Variants in RTN1 observed in about 807,000 individuals in gnomAD.
RTN1 encodes the protein reticulon-1.
In RTN1, 25 loss-of-function variants were observed where a neutral mutation model predicts 65.5. That is an observed-to-expected ratio of 0.38 (90% CI 0.28 to 0.53). RTN1 has a LOEUF of 0.53. Ranked by LOEUF, RTN1 falls within the 20% of genes least tolerant of loss-of-function variation. The pLI, the probability that RTN1 is intolerant of heterozygous loss-of-function variation, is 0.79. For synonymous variants in RTN1, 471 were observed against 447.6 expected (o/e 1.05, Z -0.66); for missense variants, 983 against 1,025.4 (o/e 0.96, Z 0.57).
chr14:59,804,219 AAGT>A (rs1566732549), intron 1 of RTN1, among the ~76,000 whole-genome samples: 1 of 152,110 alleles, frequency 6.6e-6, no homozygotes, highest in African/African-American at 2.4e-5. Context: ...CAGTTTTGAG[AAGT>A]ACTGGTCAGG....
At chr14:59,729,376 G>C (rs1884851321) in intron 2 of RTN1, among the ~76,000 whole-genome samples, 1 of 126,632 alleles carries the variant, frequency 7.9e-6, no homozygotes, top group African/African-American at 3.2e-5. Context: ...TATGATCTAT[G>C]GGTTCCCCCC....
chr14:59,786,915 C>T (rs1408363578), intron 1 of RTN1, among the ~76,000 whole-genome samples: 2 of 152,060 alleles, frequency 1.3e-5, no homozygotes, highest in Non-Finnish European at 2.9e-5. Flanking sequence ...CAAAAATACA[C>T]CTTTGAAGTA....
chr14:59,683,791 T>C, intron 3 of RTN1, among the ~76,000 whole-genome samples: 1 of 152,136 alleles, frequency 6.6e-6, no homozygotes, highest in East Asian at 1.9e-4. Context: ...GATAAGAGTT[T>C]TGGGCTTTTG....
In RTN1 at chr14:59,727,924, T is replaced by G. The variant is rs1054516134; in HGVS notation, c.1016-256A>C. Among the ~76,000 whole-genome samples, 1 of 152,196 alleles carries G rather than the reference T, an allele frequency of 6.6e-6. No homozygotes were observed. The highest frequency in any genetic ancestry group is 1.5e-5 in the Non-Finnish European group (1 of 68,038). ...ACAGACCTCTCTATCTTCAGCTAGC[T>G]ATTTTAAAAAATGACCCAGCAATAT... On this transcript the variant is annotated intron_variant, in intron 2 of 8. Coordinates refer to ENST00000267484, the MANE Select transcript of RTN1 (RefSeq NM_021136.3). This position sits in a 1 kb window ranked among gnomAD's most constrained non-coding sequence, Gnocchi z 4.2.
At chr14:59,624,206 T>C (rs1433850275) in intron 3 of RTN1, among the ~76,000 whole-genome samples, 1 of 152,212 alleles carries the variant, frequency 6.6e-6, no homozygotes, top group African/African-American at 2.4e-5. Flanking sequence ...AACTTAAAGA[T>C]ATAGCTCAAA....
intron 1 of RTN1, among the ~76,000 whole-genome samples, chr14:59,817,254 CT>C (rs1377380272): frequency 2.0e-5 from 3 of 152,060 alleles, no homozygotes; most frequent in African/African-American, 7.2e-5. Context: ...TAATTGCAAA[CT>C]GTGGTAAGTG....
intron 3 of RTN1, among the ~76,000 whole-genome samples, chr14:59,706,216 A>G (rs373399192): frequency 6.6e-6 from 1 of 152,158 alleles, no homozygotes; most frequent in East Asian, 1.9e-4. Flanking sequence ...TCACATTCCC[A>G]TAACTTGTCA....
intron 3 of RTN1, among the ~76,000 whole-genome samples, chr14:59,612,323 C>T (rs1000079266): frequency 6.6e-6 from 1 of 152,122 alleles, no homozygotes; most frequent in Non-Finnish European, 1.5e-5. Flanking sequence ...AGAAGCCACT[C>T]CATTCTTCTG....
Position 59,727,181 on chromosome 14 carries a change from C to A in RTN1, c.1503G>T (p.Glu501Asp). Residue 501 changes from glutamate (E) to aspartate (D), a missense_variant, in exon 3 of 9, where the codon GAG (glutamate) becomes GAT (aspartate). Around this residue, in one of 2 missense-constraint regions of RTN1, gnomAD observed 818 missense variants for 801.8 expected, o/e 1.02. Transcript: ENST00000267484. This position sits in a 1 kb window ranked among gnomAD's most constrained non-coding sequence, Gnocchi z 4.2. ...CACGCTCCTCGGCCCGGACGCCAGT[C>A]TCCTCCCGGATGGCATCCAGGGCGC... Reference protein sequence around the residue: ...KPSALDAIREETGVRAEERAP... With the variant: ...KPSALDAIREDTGVRAEERAP... 3 of 1,588,554 alleles carry A rather than the reference C, an allele frequency of 1.9e-6. No individual in the cohort carries two copies. Among genetic ancestry groups the A allele is most frequent in the South Asian group, 2.3e-5 (2 of 87,698 alleles).
At chr14:59,624,073 C>A (rs1882327322) in intron 3 of RTN1, among the ~76,000 whole-genome samples, 1 of 152,176 alleles carries the variant, frequency 6.6e-6, no homozygotes, top group African/African-American at 2.4e-5. Context: ...AACATTAACA[C>A]CAGCTTTGTC....
intron 1 of RTN1, among the ~76,000 whole-genome samples, chr14:59,811,911 C>T (rs147706263): frequency 3.7e-4 from 57 of 152,248 alleles, no homozygotes; most frequent in Non-Finnish European, 5.4e-4. Flanking sequence ...TAATTCCTTC[C>T]CAGACTAATT....
At chr14:59,664,030 C>T (rs1883309378) in intron 3 of RTN1, among the ~76,000 whole-genome samples, 1 of 152,022 alleles carries the variant, frequency 6.6e-6, no homozygotes, top group East Asian at 1.9e-4. Flanking sequence ...ATGTTTATTG[C>T]AGCACTATTC....
chr14:59,671,261 A>G (rs1883498175), intron 3 of RTN1, among the ~76,000 whole-genome samples: 1 of 152,232 alleles, frequency 6.6e-6, no homozygotes. Context: ...TAGTTTTACC[A>G]TATTTGTGGA....
intron 3 of RTN1, 47 bp downstream of exon 3, chr14:59,726,872 C>T: frequency 6.5e-7 from 1 of 1,530,112 alleles, no homozygotes; most frequent in Non-Finnish European, 8.9e-7. Context: ...GCTCAGAGCA[C>T]CCAGAGGGAG....
intron 4 of RTN1, 50 bp downstream of exon 4, chr14:59,607,235 G>C: frequency 6.5e-7 from 1 of 1,537,342 alleles, no homozygotes; most frequent in Non-Finnish European, 9.0e-7. Context: ...TACAGGTGAG[G>C]GTAAAAGCCC....
At chr14:59,667,957 C>T (rs1368967442) in intron 3 of RTN1, among the ~76,000 whole-genome samples, 4 of 152,046 alleles carry the variant, frequency 2.6e-5, no homozygotes, top group African/African-American at 7.2e-5. Flanking sequence ...TAAAAGAGGA[C>T]ACGAACAAAT....
At chr14:59,705,878 A>AG (rs1884281160) in intron 3 of RTN1, among the ~76,000 whole-genome samples, 2 of 152,216 alleles carry the variant, frequency 1.3e-5, no homozygotes, top group African/African-American at 4.8e-5. Flanking sequence ...AGTGCTTTGA[A>AG]CAAAGGAGGC....
chr14:59,806,511 A>C (rs1286858797), intron 1 of RTN1, among the ~76,000 whole-genome samples: 3 of 152,136 alleles, frequency 2.0e-5, no homozygotes. Context: ...CAGGTTTGTT[A>C]TATAGGTAAA....
chr14:59,857,140 A>G (rs1887622691), intron 1 of RTN1, among the ~76,000 whole-genome samples: 2 of 152,122 alleles, frequency 1.3e-5, no homozygotes, highest in African/African-American at 4.8e-5. Context: ...CACAAGACCT[A>G]ATACCATATA....
Sources: gnomAD v4.1 joint callset for allele counts (sites outside exome capture counted in the v4.1 genomes callset) on GRCh38, gnomAD v4.1.1 for gene constraint, gnomAD v4.1.1 regional missense constraint, Gnocchi (gnomAD v3.1) non-coding constraint, MANE v1.5 for transcripts, NCBI Gene and HGNC (gene_info 2026-07-23, HGNC 2026-07-21) for gene names.